DPPA4: variants seen among roughly 807,000 people sequenced by gnomAD.
DPPA4 encodes the protein developmental pluripotency-associated protein 4.
In DPPA4, 22 loss-of-function variants were observed where a neutral mutation model predicts 33.7. That is an observed-to-expected ratio of 0.65 (90% CI 0.47 to 0.93). DPPA4 has a LOEUF of 0.93. DPPA4 is among the 40% of genes least tolerant of loss of function. The pLI is 0.00. For missense variants in DPPA4, 340 were observed against 358.6 expected, an observed-to-expected ratio of 0.95 and a Z score of 0.42; for synonymous variants, 156 against 132.3, an observed-to-expected ratio of 1.18 and a Z score of -1.23.
At chr3:109,339,386 A>G (rs1183440509), upstream of DPPA4, among the ~76,000 whole-genome samples, 1 of 152,090 alleles carries the variant, frequency 6.6e-6, no homozygotes, top group East Asian at 1.9e-4. Context: ...AGAGTCATGA[A>G]AATAATAGCC....
chr3:109,336,790 G>A (rs1395158610), intron 1 of DPPA4, among the ~76,000 whole-genome samples: 2 of 152,182 alleles, frequency 1.3e-5, no homozygotes, highest in African/African-American at 4.8e-5. Context: ...CGAGGTGGGA[G>A]GATCGTTTGA....
chr3:109,329,058 C>A lies in DPPA4; in HGVS notation c.710G>T (p.Ser237Ile). 6.2e-7 allele frequency: 1 copy of A among 1,614,038 alleles called. No homozygotes were observed. The highest frequency in any genetic ancestry group is 8.5e-7 in the Non-Finnish European group (1 of 1,180,016). Residue 237 changes from serine (S) to isoleucine (I), a missense_variant, in exon 6 of 7, where the codon AGT (serine) becomes ATT (isoleucine). Physicochemically the swap from Ser to Ile is moderately radical, Grantham distance 142. This residue lies in a region of DPPA4 where 212 missense variants were observed against 206.5 expected (regional missense o/e 1.03). Transcript: ENST00000335658. The stretch of plus-strand genomic sequence containing the variant: ...CCAACCATCTGTGTCTGCAGGGAGA[C>A]TTTTCCCATGGACCACACACCACCT... Reference protein sequence around the residue: ...GVRWCVVHGKSLPADTDGWVH... With the variant: ...GVRWCVVHGKILPADTDGWVH...
At chr3:109,336,303 C>G (rs1708210791) in intron 1 of DPPA4, 1 of 152,036 alleles carries the variant, frequency 6.6e-6, no homozygotes, top group Non-Finnish European at 1.5e-5. Context: ...TTGCATAAAC[C>G]TTACAAAAAG....
chr3:109,337,826 C>CAAAAAA (rs560299600), upstream of DPPA4, among the ~76,000 whole-genome samples: 3 of 144,034 alleles, frequency 2.1e-5, no homozygotes, highest in Non-Finnish European at 2.9e-5. Flanking sequence ...GGAAAAAAAA[C>CAAAAAA]AAAAAACAAA....
rs267599538 is a variant in DPPA4 at position 109,333,974 on chromosome 3, G to T, written c.74C>A (p.Ser25Ter). 1 of 1,613,888 alleles carries T rather than the reference G, an allele frequency of 6.2e-7. No homozygotes were observed. The highest frequency in any genetic ancestry group is 8.5e-7 in the Non-Finnish European group (1 of 1,179,984). Reference protein sequence around the residue: ...KGKEWTSTEKSREEDQQASNQ... With the variant: ...KGKEWTSTEK ...AGAAGCCTGCTGATCCTCTTCCCTCGACTTCTCTGTGGAGGTCCACTGGGG... is the reference window on the plus strand; with the variant it reads ...AGAAGCCTGCTGATCCTCTTCCCTCTACTTCTCTGTGGAGGTCCACTGGGG... The change falls in exon 2 of 7, where the codon TCG becomes TAG. Residue 25 changes from serine to a stop codon, truncating the protein, a stop_gained. Transcript: ENST00000335658. LOFTEE classifies it high-confidence loss of function.
chr3:109,337,619 C>T, upstream of DPPA4: 1 of 972,032 alleles, frequency 1.0e-6, no homozygotes, highest in African/African-American at 1.6e-5. Flanking sequence ...CTCTTCTTTT[C>T]TTCTCCCCTT....
chr3:109,333,766 C>A, intron 2 of DPPA4, 104 bp downstream of exon 2: 1 of 1,393,930 alleles, frequency 7.2e-7, no homozygotes, highest in Non-Finnish European at 9.9e-7. Context: ...AGGATTTGCA[C>A]AATACATGAT....
intron 3 of DPPA4, 37 bp from the exon 4 acceptor site, chr3:109,331,821 A>T: frequency 1.2e-6 from 2 of 1,613,604 alleles, no homozygotes; most frequent in Non-Finnish European, 1.7e-6. Context: ...AAGGCAAATA[A>T]GGTTCCTACC....
At position 109,331,971 on chromosome 3, in the gene DPPA4, G is replaced by C. The variant is rs757550772; in HGVS notation, c.239C>G (p.Pro80Arg). The change falls in exon 3 of 7, where the codon CCA becomes CGA. Residue 80 changes from proline (P) to arginine (R), a missense_variant. Physicochemically the swap from Pro to Arg is moderately radical, Grantham distance 103 (BLOSUM62 -2). Around this residue, in one of 3 missense-constraint regions of DPPA4, gnomAD observed 96 missense variants for 91.8 expected, o/e 1.05. Coordinates refer to ENST00000335658, the MANE Select transcript of DPPA4 (RefSeq NM_018189.4). ...CAGTTTAGAAGGTAATGGAGGGATT[G>C]GTATCTTCTTCTGAGGTCTGGGGTT... ...TDNPRPQKKI[P>R]IPPLPSKLPP... 2 of 1,614,018 alleles carry C rather than the reference G, an allele frequency of 1.2e-6. No homozygotes were observed. The highest frequency in any genetic ancestry group is 1.7e-6 in the Non-Finnish European group (2 of 1,179,942).
At chr3:109,338,799 G>A (rs56125582), upstream of DPPA4, among the ~76,000 whole-genome samples, 7,795 of 152,222 alleles carry the variant, frequency 0.051, 612 homozygotes, top group African/African-American at 0.18. Flanking sequence ...ACAGCCTTTG[G>A]TAACCACCAG....
chr3:109,328,118 C>G, intron 6 of DPPA4, 94 bp from the exon 7 acceptor site: 1 of 815,422 alleles, frequency 1.2e-6, no homozygotes, highest in Admixed American at 1.9e-5. Context: ...TGAAATTGCC[C>G]TTACAACTTT....
At position 109,326,926 on chromosome 3, in the gene DPPA4, CTAAA is replaced by C. The variant is rs1452694444; in HGVS notation, c.*1058_*1061del. 6.6e-6 allele frequency: 1 copy of C among 152,116 alleles called. No homozygotes were observed. Among genetic ancestry groups the C allele is most frequent in the Admixed American group, 6.6e-5 (1 of 15,260 alleles). The allele number at this position is 152,116 out of a possible 1,614,324, so 9.4% of individuals were successfully genotyped here. On this transcript the variant is annotated 3_prime_UTR_variant, in exon 7 of 7. Transcript: ENST00000335658. ...ATTTGCATGCAATGAATATGGTTCT[CTAAA>C]TACAACAGATGAATTATTTTACATA...
chr3:109,332,369 G>A (rs1303601337), intron 2 of DPPA4, among the ~76,000 whole-genome samples: 2 of 152,040 alleles, frequency 1.3e-5, no homozygotes, highest in Admixed American at 1.3e-4. Context: ...CCAAAGTTCT[G>A]AGATTACAGG....
At position 109,328,139 on chromosome 3, in the gene DPPA4, G is replaced by A. The variant is rs912619892; in HGVS notation, c.879-115C>T. 4 of 692,992 alleles carry A rather than the reference G, an allele frequency of 5.8e-6. No individual in the cohort carries two copies. The African/African-American group carries it at 7.2e-5, about 13-fold the overall frequency. The allele number at this position is 692,992 out of a possible 1,614,324, so 42.9% of individuals were successfully genotyped here. Reference sequence around the variant, plus strand: ...TGCCCTTACAACTTTAGGATCATAGGTAGCAAGCCTGTGATCCTGTCATTC... The same window carrying A: ...TGCCCTTACAACTTTAGGATCATAGATAGCAAGCCTGTGATCCTGTCATTC... On this transcript the variant is annotated intron_variant, in intron 6 of 6. Transcript: ENST00000335658.
Position 109,326,981 on chromosome 3 carries a change from A to C in DPPA4, c.*1007T>G, listed in dbSNP as rs1392724511. 3 of 152,204 alleles carry C rather than the reference A, an allele frequency of 2.0e-5. No homozygotes were observed. The East Asian group carries it at 5.8e-4, about 29-fold the overall frequency. 9.4% of individuals were successfully genotyped at this position (152,204 alleles called of 1,614,324 possible). A position where few individuals can be genotyped will look rare whatever the true frequency, so the allele number is the denominator to read the frequency against. ...CACATCTTATTTTTATTTATGGAGA[A>C]TCGGTTAATAAACACATTTTAAATT... On this transcript the variant is annotated 3_prime_UTR_variant, in exon 7 of 7. Transcript: ENST00000335658.
intron 1 of DPPA4, 27 bp from the exon 2 acceptor site, chr3:109,334,020 A>AT: frequency 1.9e-6 from 3 of 1,612,950 alleles, no homozygotes; most frequent in South Asian, 2.2e-5. Flanking sequence ...CTGGTCAGTC[A>AT]TTCCTCTAGT....
upstream of DPPA4, chr3:109,337,589 C>T: frequency 2.2e-6 from 3 of 1,364,704 alleles, no homozygotes; most frequent in Non-Finnish European, 3.1e-6. Flanking sequence ...GCCCGAAGAC[C>T]CTTTTTCTCT....
intron 4 of DPPA4, among the ~76,000 whole-genome samples, chr3:109,331,362 G>A (rs566747018): frequency 1.3e-5 from 2 of 148,836 alleles, no homozygotes; most frequent in Non-Finnish European, 3.0e-5. Flanking sequence ...AGTGGTTCAC[G>A]CCTGTAATCC....
At chr3:109,330,863 C>T (rs758072473) in intron 4 of DPPA4, 51 bp from the exon 5 acceptor site, 2 of 1,358,180 alleles carry the variant, frequency 1.5e-6, no homozygotes, top group East Asian at 2.7e-5. Context: ...AAAATTCTAA[C>T]AAAAATGGCC....
Sources: gnomAD v4.1 joint callset for allele counts (sites outside exome capture counted in the v4.1 genomes callset) on GRCh38, gnomAD v4.1.1 for gene constraint, gnomAD v4.1.1 regional missense constraint, MANE v1.5 for transcripts, NCBI Gene and HGNC (gene_info 2026-07-23, HGNC 2026-07-21) for gene names.